Variants in ESYT2 observed in about 807,000 individuals in gnomAD.
ESYT2 encodes the protein extended synaptotagmin-2.
In ESYT2, 54 loss-of-function variants were observed where a neutral mutation model predicts 107.2. That is an observed-to-expected ratio of 0.50 (90% CI 0.40 to 0.63). ESYT2 has a LOEUF of 0.63. ESYT2 is among the 30% of genes least tolerant of loss of function. The pLI, the probability that ESYT2 is intolerant of heterozygous loss-of-function variation, is 0.00. For missense variants in ESYT2, 1,020 were observed against 1,094.5 expected, an observed-to-expected ratio of 0.93 and a Z score of 0.96; for synonymous variants, 491 against 434.1, an observed-to-expected ratio of 1.13 and a Z score of -1.63.
chr7:158,789,094 T>C (rs1048754630), intron 4 of ESYT2, among the ~76,000 whole-genome samples: 16 of 152,154 alleles, frequency 1.1e-4, no homozygotes, highest in Non-Finnish European at 1.9e-4. Flanking sequence ...CTCTTGGAGG[T>C]AGGATGTCAC....
At chr7:158,767,853 C>A in intron 7 of ESYT2, 79 bp from the exon 8 acceptor site, 1 of 1,493,654 alleles carries the variant, frequency 6.7e-7, no homozygotes, top group Non-Finnish European at 9.0e-7. Context: ...ACAGACTTAC[C>A]ACGAATATGA....
At position 158,734,000 on chromosome 7, in the gene ESYT2, C is replaced by A. The variant is rs529706533; in HGVS notation, c.*207G>T. The stretch of plus-strand genomic sequence containing the variant: ...CCCTACTGCACGTTGTAGGAACTGG[C>A]GAAATCCTAGAGGAAATCCAACACA... On this transcript the variant is annotated 3_prime_UTR_variant, in exon 23 of 23. Coordinates refer to ENST00000275418, the MANE Select transcript of ESYT2 (RefSeq NM_001367773.1). 7 of 592,228 alleles carry A rather than the reference C, an allele frequency of 1.2e-5. No homozygotes were observed. The highest frequency in any genetic ancestry group is 2.0e-5 in the Non-Finnish European group (7 of 344,528). The allele number at this position is 592,228 out of a possible 1,614,324, so 36.7% of individuals were successfully genotyped here.
intron 2 of ESYT2, among the ~76,000 whole-genome samples, chr7:158,798,333 C>T (rs1839532562): frequency 1.3e-5 from 2 of 152,064 alleles, no homozygotes; most frequent in African/African-American, 4.8e-5. Context: ...TTCTAGAAGT[C>T]CTGTGGTTTC....
At chr7:158,814,571 C>G (rs1840099906) in intron 1 of ESYT2, among the ~76,000 whole-genome samples, 1 of 152,146 alleles carries the variant, frequency 6.6e-6, no homozygotes, top group African/African-American at 2.4e-5. Flanking sequence ...GTCTGGCTGT[C>G]ACCTCCTAAC....
chr7:158,761,110 C>T lies in ESYT2; in HGVS notation c.1233+386G>A, dbSNP rs141864080. Among the ~76,000 whole-genome samples, 7 of 152,298 alleles carry T rather than the reference C, an allele frequency of 4.6e-5. No homozygotes were observed. In the East Asian group the frequency reaches 1.4e-3, roughly 29 times the overall value. On this transcript the variant is annotated intron_variant, in intron 11 of 22. Transcript: ENST00000275418. ...GGCATCTCTCACGTGAGATGCCTCA[C>T]TGGCCGCACTGTGCCTTCTCCACCA...
chr7:158,789,254 C>T (rs985109532), intron 4 of ESYT2, among the ~76,000 whole-genome samples: 3 of 152,168 alleles, frequency 2.0e-5, no homozygotes, highest in African/African-American at 7.2e-5. Flanking sequence ...CTACAGATTC[C>T]TCTCATTGAG....
At chr7:158,765,087 AGAG>A (rs1203614812) in intron 8 of ESYT2, among the ~76,000 whole-genome samples, 10 of 152,296 alleles carry the variant, frequency 6.6e-5, no homozygotes, top group Non-Finnish European at 1.3e-4. Flanking sequence ...AGGCTGGCTC[AGAG>A]GAGAACAGAT....
chr7:158,813,770 G>A (rs565378758), intron 1 of ESYT2, among the ~76,000 whole-genome samples: 28 of 147,218 alleles, frequency 1.9e-4, no homozygotes, highest in African/African-American at 6.3e-4. Context: ...GATCAAAAAC[G>A]TTTTAAAAAT....
chr7:158,824,498 T>C (rs766326496), intron 1 of ESYT2, among the ~76,000 whole-genome samples: 68 of 152,362 alleles, frequency 4.5e-4, no homozygotes, highest in Non-Finnish European at 8.4e-4. Context: ...TCTTAGACTA[T>C]ACATACCATA....
At chr7:158,805,103 T>A (rs1839787128) in intron 1 of ESYT2, among the ~76,000 whole-genome samples, 1 of 152,200 alleles carries the variant, frequency 6.6e-6, no homozygotes, top group African/African-American at 2.4e-5. Context: ...TCAGTGGGGA[T>A]CTCTGCTCGT....
At chr7:158,809,368 C>T (rs773856953) in intron 1 of ESYT2, among the ~76,000 whole-genome samples, 4 of 145,082 alleles carry the variant, frequency 2.8e-5, no homozygotes, top group African/African-American at 5.1e-5. Flanking sequence ...CCCTGCTACT[C>T]GGGAGGCTGA....
At position 158,737,042 on chromosome 7, in the gene ESYT2, C is replaced by T. The variant is rs762751557; in HGVS notation, c.2399+6G>A. On this transcript the variant is annotated splice_donor_region_variant and intron_variant, in intron 20 of 22. Transcript: ENST00000275418. ...AGTCTATCCTCAGCTGGATAAAATA[C>T]CGTACCTTTGATCAAACACTGGATT... 1 of 1,612,688 alleles carries T rather than the reference C, an allele frequency of 6.2e-7. No homozygotes were observed. The highest frequency in any genetic ancestry group is 2.2e-5 in the East Asian group (1 of 44,840).
At chr7:158,774,148 G>T (rs1379861698) in intron 6 of ESYT2, among the ~76,000 whole-genome samples, 1 of 152,196 alleles carries the variant, frequency 6.6e-6, no homozygotes, top group East Asian at 1.9e-4. Flanking sequence ...ATTTGTAGAA[G>T]AAATTCTAAG....
At chr7:158,803,045 T>G (rs1839690334) in intron 1 of ESYT2, among the ~76,000 whole-genome samples, 1 of 152,256 alleles carries the variant, frequency 6.6e-6, no homozygotes, top group South Asian at 2.1e-4. Flanking sequence ...GGAAGAATTC[T>G]TTCCCTCTCT....
intron 6 of ESYT2, among the ~76,000 whole-genome samples, chr7:158,782,622 CAT>C (rs1161295176): frequency 1.4e-5 from 2 of 143,430 alleles, no homozygotes; most frequent in East Asian, 2.0e-4. Flanking sequence ...CAAATGAGAA[CAT>C]GTGAAGTGGG....
chr7:158,740,538 C>A (rs1376388925), intron 18 of ESYT2, among the ~76,000 whole-genome samples: 1 of 123,532 alleles, frequency 8.1e-6, no homozygotes, highest in Non-Finnish European at 1.8e-5. Context: ...TCTGATGAGA[C>A]TGCAGCGCCC....
At chr7:158,754,647 A>G (rs1370561646) in intron 13 of ESYT2, among the ~76,000 whole-genome samples, 3 of 152,226 alleles carry the variant, frequency 2.0e-5, no homozygotes, top group Admixed American at 2.0e-4. Flanking sequence ...CACTCATCTC[A>G]GATGAATTCC....
At chr7:158,783,827 C>G (rs1304638429) in intron 6 of ESYT2, among the ~76,000 whole-genome samples, 1 of 152,160 alleles carries the variant, frequency 6.6e-6, no homozygotes, top group Admixed American at 6.5e-5. Context: ...TGGGGAGGAG[C>G]CCGGGAGGAG....
intron 13 of ESYT2, 65 bp downstream of exon 13, chr7:158,759,421 T>C: frequency 7.8e-7 from 1 of 1,276,074 alleles, no homozygotes. Context: ...CACAAAGCAG[T>C]GGTTATAAGC....
Sources: allele counts gnomAD v4.1 joint callset (sites outside exome capture counted in the v4.1 genomes callset), GRCh38; gene constraint gnomAD v4.1.1; transcripts MANE v1.5; gene names NCBI Gene and HGNC (gene_info 2026-07-23, HGNC 2026-07-21).